SDE2: variants seen among roughly 807,000 people sequenced by gnomAD.
The protein encoded by SDE2 is splicing regulator SDE2.
In SDE2, 31 loss-of-function variants were observed where a neutral mutation model predicts 46.9. The ratio of observed to expected loss-of-function variants is 0.66; its 90% CI spans 0.50 to 0.89. SDE2 has a LOEUF of 0.89. Ranked by LOEUF, SDE2 falls within the 40% of genes least tolerant of loss-of-function variation. The pLI is 0.00. For missense variants in SDE2, 542 were observed against 564.4 expected, an observed-to-expected ratio of 0.96 and a Z score of 0.40; for synonymous variants, 205 against 204.3, an observed-to-expected ratio of 1.00 and a Z score of -0.03.
chr1:225,988,175 C>T lies in SDE2; in HGVS notation c.855G>A (p.Pro285=), dbSNP rs752902169. 67 of 1,613,974 alleles carry T rather than the reference C, an allele frequency of 4.2e-5. No individual in the cohort carries two copies. Among genetic ancestry groups the T allele is most frequent in the Non-Finnish European group, 4.9e-5 (58 of 1,179,976 alleles). ...DHGSPEQLQI[P]VTDSGRHILE... is the part of the protein sequence containing the mutation. ...AAATATGCCTCCCAGAGTCAGTCACCGGGATCTGCAGTTGTTCTGGTGATC... is the reference window on the plus strand; with the variant it reads ...AAATATGCCTCCCAGAGTCAGTCACTGGGATCTGCAGTTGTTCTGGTGATC... Residue 285 remains proline (P), a synonymous_variant, in exon 6 of 7, where the codon CCG becomes CCA. Coordinates refer to ENST00000272091, the MANE Select transcript of SDE2 (RefSeq NM_152608.4).
At chr1:225,994,729 A>C (rs897932737) in intron 2 of SDE2, among the ~76,000 whole-genome samples, 1 of 152,210 alleles carries the variant, frequency 6.6e-6, no homozygotes, top group Non-Finnish European at 1.5e-5. Context: ...AATAATGGCC[A>C]TCTCTCTTCA....
chr1:225,994,318 C>T (rs1422381246), intron 2 of SDE2, among the ~76,000 whole-genome samples: 11 of 152,152 alleles, frequency 7.2e-5, no homozygotes, highest in Admixed American at 1.3e-4. Context: ...CTAGGTGATC[C>T]GCCCGCCTTG....
rs1656219363 is a variant in SDE2, at chr1:225,984,247, CAAAA to C, written c.*1051_*1054del. 6.9e-6 allele frequency: 1 copy of C among 144,246 alleles called. No individual in the cohort carries two copies. 8.9% of individuals were successfully genotyped at this position (144,246 alleles called of 1,614,324 possible). On this transcript the variant is annotated 3_prime_UTR_variant, in exon 7 of 7. Coordinates refer to ENST00000272091, the MANE Select transcript of SDE2 (RefSeq NM_152608.4). ...GGGCAACAAAAGCGAAATTCCATCTCAAAAAGAAAAAAAAAAGAAAATTAGAACT... is the reference window on the plus strand; with the variant it reads ...GGGCAACAAAAGCGAAATTCCATCTCAGAAAAAAAAAAGAAAATTAGAACT...
chr1:225,991,385 TCA>T (rs758665542), intron 4 of SDE2, 22 bp from the exon 5 acceptor site: 53 of 1,606,800 alleles, frequency 3.3e-5, no homozygotes, highest in Middle Eastern at 1.6e-4. Context: ...TTTTAACAAC[TCA>T]GTTTCTACTA....
In SDE2 at chr1:225,988,037, T is replaced by C. The variant is rs748224059; in HGVS notation, c.993A>G (p.Glu331=). ...EKKAESKEPI[E]EEPTGAGLNK... ...TCAGTCCAGCCCCAGTGGGCTCCTCTTCTATGGGTTCTTTACTCTCTGCCT... is the reference window on the plus strand; with the variant it reads ...TCAGTCCAGCCCCAGTGGGCTCCTCCTCTATGGGTTCTTTACTCTCTGCCT... Residue 331 remains glutamate, a synonymous_variant, in exon 6 of 7, where the codon GAA becomes GAG. Transcript: ENST00000272091. The C allele has an allele frequency of 1.3e-5, 21 of 1,614,124 alleles. No individual in the cohort carries two copies. In the Admixed American group the frequency reaches 2.5e-4, roughly 19 times the overall value.
intron 1 of SDE2, among the ~76,000 whole-genome samples, chr1:225,997,263 C>T (rs757984750): frequency 9.9e-5 from 15 of 152,148 alleles, no homozygotes; most frequent in Non-Finnish European, 1.8e-4. Flanking sequence ...TGGGAGTTAA[C>T]ACTAACTTCA....
chr1:225,997,642 G>A (rs1656558512), intron 1 of SDE2, among the ~76,000 whole-genome samples: 1 of 151,914 alleles, frequency 6.6e-6, no homozygotes, highest in African/African-American at 2.4e-5. Flanking sequence ...ATGTTGCCAA[G>A]CTGGTCTCGA....
At position 225,992,480 on chromosome 1, in the gene SDE2, T is replaced by C; in HGVS notation, c.438A>G (p.Glu146=). ...CGGGGCTGGTGAAGCAGTGCTTGGG[T>C]TCTACAAGCTTCCGCTGCAGTCGCT... is the stretch of plus-strand genomic sequence containing the variant. The part of the protein sequence containing the change: ...RLERLQRKLV[E]PKHCFTSPDY... Residue 146 remains glutamate (E), a synonymous_variant, in exon 4 of 7, where the codon GAA becomes GAG. Transcript: ENST00000272091. The C allele has an allele frequency of 6.2e-7, 1 of 1,612,970 alleles. No individual in the cohort carries two copies. The highest frequency in any genetic ancestry group is 8.5e-7 in the Non-Finnish European group (1 of 1,179,380).
chr1:225,996,542 A>G (rs1656531226), intron 1 of SDE2, among the ~76,000 whole-genome samples: 1 of 152,192 alleles, frequency 6.6e-6, no homozygotes, highest in South Asian at 2.1e-4. Flanking sequence ...TACAACATTT[A>G]GACTCAATTT....
Position 225,991,380 on chromosome 1 carries a change from A to G in SDE2, c.521-17T>C, listed in dbSNP as rs1489647203. On this transcript the variant is annotated splice_polypyrimidine_tract_variant and intron_variant, in intron 4 of 6. Coordinates refer to ENST00000272091, the MANE Select transcript of SDE2 (RefSeq NM_152608.4). ...CCTGCATACCTAACCAGAAATTTTAACAACTCAGTTTCTACTATAGGGACT... is the reference window on the plus strand; with the variant it reads ...CCTGCATACCTAACCAGAAATTTTAGCAACTCAGTTTCTACTATAGGGACT... 1.9e-6 allele frequency: 3 copies of G among 1,609,346 alleles called. No homozygotes were observed. Among genetic ancestry groups the G allele is most frequent in the Non-Finnish European group, 1.7e-6 (2 of 1,176,280 alleles).
At chr1:225,990,096 CA>C (rs980700328) in intron 5 of SDE2, among the ~76,000 whole-genome samples, 5 of 148,848 alleles carry the variant, frequency 3.4e-5, no homozygotes, top group African/African-American at 1.2e-4. Flanking sequence ...AAAACACACA[CA>C]AAAAAAACAC....
At chr1:225,990,010 G>C (rs1006370149) in intron 5 of SDE2, among the ~76,000 whole-genome samples, 5 of 151,686 alleles carry the variant, frequency 3.3e-5, no homozygotes, top group African/African-American at 1.2e-4. Flanking sequence ...GGGAGGTCAA[G>C]GCTTCAGTGA....
intron 1 of SDE2, among the ~76,000 whole-genome samples, chr1:225,996,201 C>T (rs1291387331): frequency 4.6e-5 from 7 of 152,112 alleles, no homozygotes; most frequent in African/African-American, 1.7e-4. Context: ...CAAGGGAGCT[C>T]AGGCTATCTG....
At chr1:225,998,992 G>A (rs563665029) in intron 1 of SDE2, among the ~76,000 whole-genome samples, 6 of 151,984 alleles carry the variant, frequency 3.9e-5, no homozygotes, top group Admixed American at 1.3e-4. Context: ...TTGGTGGGAA[G>A]GCAAAACCAC....
chr1:225,996,262 C>T (rs749820237), intron 1 of SDE2, among the ~76,000 whole-genome samples: 17 of 152,242 alleles, frequency 1.1e-4, no homozygotes, highest in Middle Eastern at 3.4e-3. Context: ...CTGTCTACCT[C>T]AAAGAGCTGT....
intron 3 of SDE2, 60 bp from the exon 4 acceptor site, chr1:225,992,627 T>A (rs1008385023): frequency 8.9e-7 from 1 of 1,117,338 alleles, no homozygotes; most frequent in Non-Finnish European, 1.3e-6. Flanking sequence ...CACTTTTATA[T>A]ATAAAATGTC....
At position 225,991,288 on chromosome 1, in the gene SDE2, G is replaced by A. The variant is rs1046368306; in HGVS notation, c.596C>T (p.Ser199Phe). The change falls in exon 5 of 7, where the codon TCT becomes TTT. Residue 199 changes from serine (S) to phenylalanine (F), a missense_variant. Transcript: ENST00000272091. ...CGCACTGGCTCCTCTGTCTGTTTGAGATTTAGTAGGCCATTGCCGTTTCCG... is the reference window on the plus strand; with the variant it reads ...CGCACTGGCTCCTCTGTCTGTTTGAAATTTAGTAGGCCATTGCCGTTTCCG... ...ENRKRQWPTK[S>F]QTDRGASAGK... The A allele has an allele frequency of 6.2e-7, 1 of 1,613,928 alleles. No homozygotes were observed. Among genetic ancestry groups the A allele is most frequent in the East Asian group, 2.2e-5 (1 of 44,874 alleles).
At chr1:225,986,585 A>C (rs1656276097) in intron 6 of SDE2, among the ~76,000 whole-genome samples, 1 of 152,194 alleles carries the variant, frequency 6.6e-6, no homozygotes, top group Non-Finnish European at 1.5e-5. Flanking sequence ...ATGTGTGTTT[A>C]AAGAATCACA....
At chr1:225,994,038 G>A (rs1411867876) in intron 2 of SDE2, among the ~76,000 whole-genome samples, 1 of 151,500 alleles carries the variant, frequency 6.6e-6, no homozygotes, top group East Asian at 1.9e-4. Context: ...CAAAGTGTTG[G>A]GATTACAGGC....
Sources: gnomAD v4.1 joint callset for allele counts (sites outside exome capture counted in the v4.1 genomes callset) on GRCh38, gnomAD v4.1.1 for gene constraint, MANE v1.5 for transcripts, NCBI Gene and HGNC (gene_info 2026-07-23, HGNC 2026-07-21) for gene names.